ST6GALNAC3: variants seen among roughly 807,000 people sequenced by gnomAD.
ST6GALNAC3 encodes the protein alpha-N-acetylgalactosaminide alpha-2,6-sialyltransferase 3.
In ST6GALNAC3, 25 loss-of-function variants were observed where a neutral mutation model predicts 32.7. The observed-to-expected ratio is 0.76, with a 90% confidence interval of 0.56 to 1.07. The LOEUF is 1.07. ST6GALNAC3 is among the 50% of genes least tolerant of loss of function. ST6GALNAC3 has a pLI of 0.00. For synonymous variants in ST6GALNAC3, 129 were observed against 133.1 expected (o/e 0.97, Z 0.21); for missense variants, 355 against 382.4 (o/e 0.93, Z 0.60).
chr1:76,263,862 G>A (rs2100735989), intron 1 of ST6GALNAC3, among the ~76,000 whole-genome samples: 1 of 152,182 alleles, frequency 6.6e-6, no homozygotes, highest in South Asian at 2.1e-4. Flanking sequence ...CTGTTGATGA[G>A]CTTTCGTTTC....
chr1:76,157,020 G>C (rs1008407737), intron 1 of ST6GALNAC3, among the ~76,000 whole-genome samples: 21 of 152,124 alleles, frequency 1.4e-4, no homozygotes, highest in South Asian at 4.1e-4. Flanking sequence ...TGTAAGCCAC[G>C]GCGCCCAGCC....
chr1:76,202,268 A>ATGTGTGTGTGTG lies in ST6GALNAC3; in HGVS notation c.19-111513_19-111502dup, dbSNP rs58107501. On this transcript the variant is annotated intron_variant, in intron 1 of 4. Coordinates refer to ENST00000328299, the MANE Select transcript of ST6GALNAC3 (RefSeq NM_152996.4). ...GTGGGTGGAGAGTGTGTGTGCATGC[A>ATGTGTGTGTGTG]TGTGTGTGTGTGTGTGTGTGTGTGT... 9.1e-3 allele frequency among the ~76,000 whole-genome samples: 1,330 copies of ATGTGTGTGTGTG among 145,404 alleles called. 32 individuals carry two copies. Among genetic ancestry groups the ATGTGTGTGTGTG allele is most frequent in the African/African-American group, 0.032 (1,246 of 39,344 alleles).
intron 1 of ST6GALNAC3, among the ~76,000 whole-genome samples, chr1:76,134,396 T>G (rs76308216): frequency 1.3e-5 from 2 of 152,222 alleles, no homozygotes; most frequent in Non-Finnish European, 2.9e-5. Flanking sequence ...TTTCCAGGCC[T>G]GAAGCTCCTA....
At chr1:76,547,813 C>T (rs535182034) in intron 3 of ST6GALNAC3, among the ~76,000 whole-genome samples, 73 of 149,312 alleles carry the variant, frequency 4.9e-4, no homozygotes, top group African/African-American at 1.1e-3. Context: ...GCCAGGATCG[C>T]GCCACTGCAC....
chr1:76,237,293 CGG>C (rs1656712388), intron 1 of ST6GALNAC3, among the ~76,000 whole-genome samples: 4 of 152,136 alleles, frequency 2.6e-5, no homozygotes, highest in South Asian at 4.1e-4. Flanking sequence ...GCCACCACGC[CGG>C]GCTAATTTTT....
intron 1 of ST6GALNAC3, among the ~76,000 whole-genome samples, chr1:76,158,197 A>G (rs1651582726): frequency 6.6e-6 from 1 of 151,948 alleles, no homozygotes; most frequent in African/African-American, 2.4e-5. Flanking sequence ...TTTGAATCCT[A>G]CCTCCTTCAC....
At chr1:76,527,538 A>T (rs1662988969) in intron 3 of ST6GALNAC3, among the ~76,000 whole-genome samples, 1 of 152,104 alleles carries the variant, frequency 6.6e-6, no homozygotes, top group African/African-American at 2.4e-5. Context: ...GACAATGCAA[A>T]TTAACCCTGT....
At chr1:76,626,365 C>T (rs1216668061) in intron 3 of ST6GALNAC3, among the ~76,000 whole-genome samples, 1 of 151,826 alleles carries the variant, frequency 6.6e-6, no homozygotes, top group Non-Finnish European at 1.5e-5. Context: ...GCTCCAAATG[C>T]CCCCGTGGAG....
chr1:76,337,062 T>A (rs941818149), intron 2 of ST6GALNAC3, among the ~76,000 whole-genome samples: 3 of 152,198 alleles, frequency 2.0e-5, no homozygotes, highest in African/African-American at 7.2e-5. Context: ...CCCCAATTAT[T>A]CGAATCTGCT....
At chr1:76,173,215 G>A (rs1482400179) in intron 1 of ST6GALNAC3, among the ~76,000 whole-genome samples, 1 of 152,136 alleles carries the variant, frequency 6.6e-6, no homozygotes, top group Non-Finnish European at 1.5e-5. Flanking sequence ...TGACAAACCT[G>A]ATAAAAATAA....
intron 1 of ST6GALNAC3, among the ~76,000 whole-genome samples, chr1:76,228,671 C>A (rs1413744782): frequency 6.6e-6 from 1 of 152,198 alleles, no homozygotes; most frequent in African/African-American, 2.4e-5. Flanking sequence ...GTTTCTCAGA[C>A]AACTCACTTG....
intron 1 of ST6GALNAC3, among the ~76,000 whole-genome samples, chr1:76,287,241 GATTA>G (rs1659832860): frequency 2.6e-5 from 4 of 152,148 alleles, no homozygotes; most frequent in Non-Finnish European, 4.4e-5. Context: ...TTGCACAAAT[GATTA>G]TAGAGTGTGT....
At chr1:76,614,650 C>G (rs901915424) in intron 3 of ST6GALNAC3, among the ~76,000 whole-genome samples, 1 of 130,530 alleles carries the variant, frequency 7.7e-6, no homozygotes, top group Non-Finnish European at 1.5e-5. Flanking sequence ...ACTTGGGAGA[C>G]GGAGCTTGCA....
At chr1:76,132,153 C>T (rs2100868711) in intron 1 of ST6GALNAC3, among the ~76,000 whole-genome samples, 1 of 152,308 alleles carries the variant, frequency 6.6e-6, no homozygotes, top group East Asian at 1.9e-4. Flanking sequence ...CCCCACAGGG[C>T]ACAGAGCTGC....
chr1:76,095,465 G>A (rs67497916), intron 1 of ST6GALNAC3, among the ~76,000 whole-genome samples: 1,732 of 152,250 alleles, frequency 0.011, 19 homozygotes, highest in Non-Finnish European at 0.018. Flanking sequence ...TTCACTGCCA[G>A]AATGCAGATG....
chr1:76,399,399 C>T (rs1653232834), intron 2 of ST6GALNAC3, among the ~76,000 whole-genome samples: 1 of 152,100 alleles, frequency 6.6e-6, no homozygotes, highest in South Asian at 2.1e-4. Flanking sequence ...TGAGGTTATT[C>T]AGTGTTTTTA....
chr1:76,630,542 C>G lies in ST6GALNAC3; in HGVS notation c.*1736C>G, dbSNP rs534319974. On this transcript the variant is annotated 3_prime_UTR_variant, in exon 5 of 5. Transcript: ENST00000328299. ...TGCAGAATGATTCAAAAGACAAAAG[C>G]CAGGCTCAACTTATAGAATGTTTTG... The G allele has an allele frequency of 3.7e-5, 36 of 985,138 alleles. No individual in the cohort carries two copies. In the African/African-American group the frequency reaches 6.1e-4, roughly 17 times the overall value. The allele number at this position is 985,138 out of a possible 1,614,324, so 61.0% of individuals were successfully genotyped here.
At chr1:76,224,813 A>G (rs1192872346) in intron 1 of ST6GALNAC3, among the ~76,000 whole-genome samples, 2 of 152,172 alleles carry the variant, frequency 1.3e-5, no homozygotes, top group African/African-American at 4.8e-5. Context: ...TCACCAAGTG[A>G]CTTTGGCAGG....
intron 2 of ST6GALNAC3, among the ~76,000 whole-genome samples, chr1:76,323,938 C>T (rs535221676): frequency 2.2e-4 from 33 of 152,146 alleles, no homozygotes; most frequent in South Asian, 2.1e-3. Context: ...TGGCTGACTA[C>T]GACCTCTACC....
Sources: gnomAD v4.1 joint callset for allele counts (sites outside exome capture counted in the v4.1 genomes callset) on GRCh38, gnomAD v4.1.1 for gene constraint, MANE v1.5 for transcripts, NCBI Gene and HGNC (gene_info 2026-07-23, HGNC 2026-07-21) for gene names.